Variants in SH3KBP1 observed in about 807,000 individuals in gnomAD.
SH3KBP1 encodes SH3 domain containing kinase binding protein 1, also known as SH3 domain-containing kinase-binding protein 1.
A neutral mutation model predicts 50.1 loss-of-function variants in SH3KBP1; 8 were observed. That is an observed-to-expected ratio of 0.16 (90% CI 0.09 to 0.29). The LOEUF (loss-of-function observed/expected upper bound fraction) is 0.29, where lower values mean the gene tolerates loss of function less well. SH3KBP1 is among the 10% of genes least tolerant of loss of function. SH3KBP1 has a pLI of 1.00. For missense variants in SH3KBP1, 377 were observed against 535.2 expected (o/e 0.70, Z 2.92); for synonymous variants, 227 against 218.6 (o/e 1.04, Z -0.34).
chrX:19,560,769 A>C (rs1412982751), intron 13 of SH3KBP1, among the ~76,000 whole-genome samples: 1 of 110,737 alleles, frequency 9.0e-6, no homozygotes, highest in Non-Finnish European at 1.9e-5. Flanking sequence ...CTTTAACAGC[A>C]CTTTATTTAG....
In SH3KBP1 at chrX:19,660,216, A is replaced by G. The variant is rs140266861; in HGVS notation, c.727-14741T>C. Among the ~76,000 whole-genome samples, 4 of 112,603 alleles carry G rather than the reference A, an allele frequency of 3.6e-5. No homozygotes were observed. In the East Asian group the frequency reaches 1.1e-3, roughly 31 times the overall value. ...CTCAGTTTTCACTTCTGAAATGGAC[A>G]TAACAATATACATCTCATAGGTTTT... On this transcript the variant is annotated intron_variant, in intron 6 of 17. Transcript: ENST00000397821.
Position 19,706,887 on chromosome X carries a change from T to G in SH3KBP1, c.384A>C (p.Val128=). 1 of 1,208,370 alleles carries G rather than the reference T, an allele frequency of 8.3e-7. No homozygotes were observed. Among genetic ancestry groups the G allele is most frequent in the Non-Finnish European group, 1.1e-6 (1 of 892,840 alleles). Residue 128 remains valine (V), a synonymous_variant, in exon 4 of 18, where the codon GTA becomes GTC. Transcript: ENST00000397821. ...ELKVGDIIEV[V]GEVEEGWWEG... The stretch of plus-strand genomic sequence containing the variant: ...GCCCGGCCAGGTCGCTTACCTCTCC[T>G]ACCACCTCTATGATGTCGCCAACTT...
chrX:19,669,261 C>A (rs903013708), intron 6 of SH3KBP1, among the ~76,000 whole-genome samples: 3 of 105,000 alleles, frequency 2.9e-5, no homozygotes, highest in Admixed American at 2.1e-4. Flanking sequence ...CCACTGCACT[C>A]AGCTGAGGAT....
At chrX:19,566,856 T>C (rs189880963) in intron 13 of SH3KBP1, among the ~76,000 whole-genome samples, 1 of 111,132 alleles carries the variant, frequency 9.0e-6, no homozygotes, top group Admixed American at 9.6e-5. Flanking sequence ...CAAGCCTGCA[T>C]GAGATCAGAC....
intron 8 of SH3KBP1, among the ~76,000 whole-genome samples, chrX:19,631,042 G>A (rs1602728763): frequency 9.0e-6 from 1 of 111,546 alleles, no homozygotes; most frequent in African/African-American, 3.3e-5. Context: ...GCGAGCGCAG[G>A]CAGCCACGAT....
chrX:19,661,534 G>A (rs2062452196), intron 6 of SH3KBP1, among the ~76,000 whole-genome samples: 1 of 96,368 alleles, frequency 1.0e-5, no homozygotes, highest in Non-Finnish European at 2.1e-5. Context: ...TAAATTATCA[G>A]TTCTTTTTAG....
intron 5 of SH3KBP1, chrX:19,694,856 C>T (rs2063377531): frequency 2.1e-6 from 1 of 466,027 alleles, no homozygotes; most frequent in Middle Eastern, 6.0e-4. Flanking sequence ...AAAGGAAATT[C>T]TGCAACCCCA....
intron 1 of SH3KBP1, among the ~76,000 whole-genome samples, chrX:19,878,515 A>T (rs747299892): frequency 0.13 from 12,161 of 94,602 alleles, 996 homozygotes; most frequent in African/African-American, 0.22. Context: ...TGAGAGAGAG[A>T]GAGAGAGAGA....
At chrX:19,809,564 G>A (rs1777002721) in intron 2 of SH3KBP1, among the ~76,000 whole-genome samples, 2 of 111,822 alleles carry the variant, frequency 1.8e-5, no homozygotes, top group Non-Finnish European at 3.8e-5. Flanking sequence ...TCAAGGGAAA[G>A]GAGAAACTGA....
intron 6 of SH3KBP1, among the ~76,000 whole-genome samples, chrX:19,674,228 G>A (rs1443923056): frequency 9.0e-6 from 1 of 110,989 alleles, no homozygotes; most frequent in African/African-American, 3.3e-5. Context: ...ACTCCATTCC[G>A]ATGAACCACA....
At chrX:19,639,427 G>A (rs2061798501) in intron 7 of SH3KBP1, among the ~76,000 whole-genome samples, 2 of 111,745 alleles carry the variant, frequency 1.8e-5, no homozygotes, top group African/African-American at 3.3e-5. Flanking sequence ...TGCTCCTCTC[G>A]ATGGTACTTT....
Position 19,872,833 on chromosome X carries a change from T to TCTCA in SH3KBP1, c.4+14473_4+14474insTGAG, listed in dbSNP as rs1211110008. Among the ~76,000 whole-genome samples the TCTCA allele has an allele frequency of 5.1e-3, 496 of 96,486 alleles. 3 individuals carry two copies. Among genetic ancestry groups the TCTCA allele is most frequent in the African/African-American group, 8.5e-3 (222 of 26,004 alleles). 83.8% of individuals were successfully genotyped at this position (96,486 alleles called of 115,157 possible). On this transcript the variant is annotated intron_variant, in intron 1 of 17. Coordinates refer to ENST00000397821, the MANE Select transcript of SH3KBP1 (RefSeq NM_031892.3). ...TCTCTTCTCTCTCTCTCTCTCTCTC[T>TCTCA]CACACACACACACACACACACACAC...
At chrX:19,554,824 G>A in intron 13 of SH3KBP1, among the ~76,000 whole-genome samples, 1 of 112,942 alleles carries the variant, frequency 8.9e-6, no homozygotes, top group South Asian at 3.6e-4. Flanking sequence ...GAGATTGCTT[G>A]CTGAAAAGGG....
chrX:19,852,059 A>G (rs1311926395), intron 1 of SH3KBP1, among the ~76,000 whole-genome samples: 2 of 111,650 alleles, frequency 1.8e-5, no homozygotes, highest in East Asian at 5.6e-4. Flanking sequence ...ACTTTGACCA[A>G]CAGAGTGGAG....
chrX:19,712,903 G>A (rs2148695034), intron 3 of SH3KBP1, among the ~76,000 whole-genome samples: 1 of 111,639 alleles, frequency 9.0e-6, no homozygotes, highest in South Asian at 3.8e-4. Context: ...AAACAATCAT[G>A]CAAATTTAAA....
rs1399645166 is a variant in SH3KBP1 at position 19,805,449 on chromosome X, C to T, written c.162+30676G>A. On this transcript the variant is annotated intron_variant, in intron 2 of 17. Coordinates refer to ENST00000397821, the MANE Select transcript of SH3KBP1 (RefSeq NM_031892.3). ...TTGAAACTTTTTAAAGATTCATGTG[C>T]TTATTTCCCTTGTTCAAATAACATC... is the stretch of plus-strand genomic sequence containing the variant. Among the ~76,000 whole-genome samples the T allele has an allele frequency of 2.8e-5, 3 of 107,464 alleles. No individual in the cohort carries two copies. In the Admixed American group the frequency reaches 3.0e-4, roughly 11 times the overall value. 93.3% of individuals were successfully genotyped at this position (107,464 alleles called of 115,157 possible). A position where few individuals can be genotyped will look rare whatever the true frequency, so the allele number is the denominator to read the frequency against.
At chrX:19,774,962 G>T (rs1210579803) in intron 2 of SH3KBP1, among the ~76,000 whole-genome samples, 1 of 110,919 alleles carries the variant, frequency 9.0e-6, no homozygotes, top group African/African-American at 3.3e-5. Context: ...CTTCTGAGGG[G>T]AGCGCATTGG....
At chrX:19,735,748 GA>G in intron 3 of SH3KBP1, among the ~76,000 whole-genome samples, 1 of 92,926 alleles carries the variant, frequency 1.1e-5, no homozygotes, top group African/African-American at 4.0e-5. Context: ...GGGGGGGACG[GA>G]TTCTTGCTCA....
chrX:19,595,872 C>CGT (rs1193086420), intron 9 of SH3KBP1, among the ~76,000 whole-genome samples: 1 of 111,609 alleles, frequency 9.0e-6, no homozygotes, highest in Non-Finnish European at 1.9e-5. Context: ...TGTGCGCACA[C>CGT]GTGTGTGTGT....
Sources: gnomAD v4.1 joint callset for allele counts (sites outside exome capture counted in the v4.1 genomes callset) on GRCh38, gnomAD v4.1.1 for gene constraint, MANE v1.5 for transcripts, NCBI Gene and HGNC (gene_info 2026-07-23, HGNC 2026-07-21) for gene names.